Variants in CNTN3 observed in about 807,000 individuals in gnomAD.
CNTN3 encodes the protein contactin-3.
CNTN3 carries 60 observed loss-of-function variants against 119.1 expected under a neutral mutation model. That is an observed-to-expected ratio of 0.50 (90% confidence interval 0.41 to 0.62). CNTN3 has a LOEUF of 0.62. Among genes scored for constraint, CNTN3 ranks in the 20% least tolerant of loss-of-function variants. CNTN3 has a pLI of 0.00. For missense variants in CNTN3, 1,101 were observed against 1,242.4 expected (o/e 0.89, Z 1.71); for synonymous variants, 450 against 438.7 (o/e 1.03, Z -0.32).
intron 1 of CNTN3, among the ~76,000 whole-genome samples, chr3:74,597,969 A>G (rs1704841235): frequency 1.3e-5 from 2 of 152,082 alleles, no homozygotes; most frequent in African/African-American, 4.8e-5. Context: ...GCAAGCTTCT[A>G]GAATAAAACA....
At chr3:74,439,525 TATG>T (rs1355622705) in intron 4 of CNTN3, among the ~76,000 whole-genome samples, 1 of 152,132 alleles carries the variant, frequency 6.6e-6, no homozygotes, top group Non-Finnish European at 1.5e-5. Context: ...TTTCATCTTA[TATG>T]ATACTAAAAA....
chr3:74,369,195 A>G lies in CNTN3; in HGVS notation c.940T>C (p.Tyr314His). 6.3e-7 allele frequency: 1 copy of G among 1,598,566 alleles called. No individual in the cohort carries two copies. Among genetic ancestry groups the G allele is most frequent in the Non-Finnish European group, 8.5e-7 (1 of 1,173,088 alleles). Residue 314 changes from tyrosine to histidine, a missense_variant, in exon 8 of 23, where the codon TAC becomes CAC. By Grantham distance (83) the Tyr-to-His change is moderately conservative. Transcript: ENST00000263665. ...GKNVARGRLT[Y>H]YAKPHWVQLI... is the part of the protein sequence containing the mutation. The stretch of plus-strand genomic sequence containing the variant: ...GCCCAAAGCAGATGCTCACCATAGT[A>G]AGTGAGACGCCCTCTGGCAACATTT...
intron 1 of CNTN3, among the ~76,000 whole-genome samples, chr3:74,610,278 G>A (rs372781129): frequency 1.3e-5 from 2 of 151,556 alleles, no homozygotes; most frequent in Admixed American, 6.6e-5. Context: ...AACCATGATC[G>A]CACCACTGCA....
chr3:74,385,390 G>C (rs1056243351), intron 5 of CNTN3, among the ~76,000 whole-genome samples: 3 of 152,160 alleles, frequency 2.0e-5, no homozygotes, highest in Admixed American at 1.3e-4. Context: ...AAACAACAAA[G>C]CTAATGTAGA....
intron 11 of CNTN3, among the ~76,000 whole-genome samples, chr3:74,348,204 A>C (rs1204596089): frequency 2.0e-5 from 3 of 152,074 alleles, no homozygotes; most frequent in Non-Finnish European, 2.9e-5. Flanking sequence ...CACACACACA[A>C]AATGGTAACT....
intron 2 of CNTN3, among the ~76,000 whole-genome samples, chr3:74,502,303 T>C (rs1206948598): frequency 6.6e-6 from 1 of 152,054 alleles, no homozygotes; most frequent in Non-Finnish European, 1.5e-5. Flanking sequence ...AGAGAGGTGT[T>C]CAAAAAATTT....
intron 5 of CNTN3, among the ~76,000 whole-genome samples, chr3:74,374,714 C>G (rs1704434023): frequency 6.6e-6 from 1 of 152,114 alleles, no homozygotes; most frequent in South Asian, 2.1e-4. Flanking sequence ...AAATATTTCA[C>G]CATCTCCATG....
Position 74,406,091 on chromosome 3 carries a change from CTT to C in CNTN3, c.454+18752_454+18753del, listed in dbSNP as rs761037049. 3.9e-5 allele frequency among the ~76,000 whole-genome samples: 6 copies of C among 152,110 alleles called. No individual in the cohort carries two copies. The South Asian group carries it at 1.2e-3, about 32-fold the overall frequency. On this transcript the variant is annotated intron_variant, in intron 5 of 22. Transcript: ENST00000263665. ...TTTGCCGTTATAATGCTATGAGTGT[CTT>C]TTGAGTATTCCAAGGCAAAATAGCA...
At chr3:74,546,376 T>C (rs1043424755) in intron 1 of CNTN3, among the ~76,000 whole-genome samples, 1 of 152,188 alleles carries the variant, frequency 6.6e-6, no homozygotes, top group African/African-American at 2.4e-5. Context: ...TGCAAAGTAT[T>C]GTTCCTGGGT....
intron 13 of CNTN3, among the ~76,000 whole-genome samples, chr3:74,326,440 T>C (rs1311017972): frequency 6.6e-6 from 1 of 152,184 alleles, no homozygotes; most frequent in Non-Finnish European, 1.5e-5. Context: ...AGCGCATCTG[T>C]CACCTCAAAG....
intron 1 of CNTN3, among the ~76,000 whole-genome samples, chr3:74,585,594 C>T (rs757102757): frequency 2.6e-5 from 4 of 152,008 alleles, no homozygotes; most frequent in African/African-American, 7.2e-5. Context: ...AAAGTAATAT[C>T]GATCTTTTGT....
intron 4 of CNTN3, among the ~76,000 whole-genome samples, chr3:74,451,878 C>A (rs1400595194): frequency 2.9e-5 from 4 of 139,912 alleles, no homozygotes; most frequent in African/African-American, 1.1e-4. Flanking sequence ...ATCTATATCT[C>A]TGTTTTGGTA....
intron 1 of CNTN3, among the ~76,000 whole-genome samples, chr3:74,559,900 G>C (rs983128757): frequency 1.3e-5 from 2 of 152,148 alleles, no homozygotes; most frequent in African/African-American, 4.8e-5. Flanking sequence ...ATTAACATCT[G>C]AGACACTGGG....
intron 5 of CNTN3, among the ~76,000 whole-genome samples, chr3:74,413,225 T>C (rs916468160): frequency 1.1e-4 from 17 of 152,180 alleles, no homozygotes; most frequent in Non-Finnish European, 2.5e-4. Context: ...CAAAATCACA[T>C]GGAATACAGA....
intron 1 of CNTN3, among the ~76,000 whole-genome samples, chr3:74,575,321 G>A (rs1024841549): frequency 1.3e-4 from 19 of 151,862 alleles, no homozygotes; most frequent in Admixed American, 5.9e-4. Context: ...GCGTGATCTC[G>A]GCTCACTGCA....
chr3:74,322,276 T>C (rs1010409723), intron 13 of CNTN3, among the ~76,000 whole-genome samples: 2 of 151,138 alleles, frequency 1.3e-5, no homozygotes, highest in Admixed American at 6.6e-5. Context: ...AGACAAAATA[T>C]AGAAAAATCT....
chr3:74,464,306 C>A (rs1175308391), intron 4 of CNTN3, among the ~76,000 whole-genome samples: 1 of 151,996 alleles, frequency 6.6e-6, no homozygotes, highest in African/African-American at 2.4e-5. Flanking sequence ...ATTAAGCAGC[C>A]CCCATAATTC....
chr3:74,361,943 T>A lies in CNTN3; in HGVS notation c.1311A>T (p.Pro437=), dbSNP rs139447821. 1.4e-5 allele frequency: 23 copies of A among 1,613,660 alleles called. No homozygotes were observed. Among genetic ancestry groups the A allele is most frequent in the Non-Finnish European group, 1.9e-5 (23 of 1,179,790 alleles). ...CCTTCTTCCAGGAAGAGAGTGCCCT[T>A]GGGGAGGCTCTGGGTTTACAATCCA... ...VSLDCKPRAS[P]RALSSWKKGD... is the part of the protein sequence containing the mutation. Residue 437 remains proline (P), a synonymous_variant, in exon 11 of 23, where the codon CCA becomes CCT. Coordinates refer to ENST00000263665, the MANE Select transcript of CNTN3 (RefSeq NM_020872.3).
intron 11 of CNTN3, among the ~76,000 whole-genome samples, chr3:74,347,519 G>A (rs1261728937): frequency 6.6e-6 from 1 of 152,194 alleles, no homozygotes; most frequent in Non-Finnish European, 1.5e-5. Context: ...AGGATTATAG[G>A]TGTGAGCCAC....
Sources: allele counts gnomAD v4.1 joint callset (sites outside exome capture counted in the v4.1 genomes callset), GRCh38; gene constraint gnomAD v4.1.1; transcripts MANE v1.5; gene names NCBI Gene and HGNC (gene_info 2026-07-23, HGNC 2026-07-21).